ZNF626: variants seen among roughly 807,000 people sequenced by gnomAD.
The protein encoded by ZNF626 is zinc finger protein 626.
ZNF626 carries 4 observed loss-of-function variants against 11.7 expected under a neutral mutation model. The observed-to-expected ratio is 0.34, with a 90% confidence interval of 0.17 to 0.78. ZNF626 has a LOEUF of 0.78. Among genes scored for constraint, ZNF626 ranks in the 30% least tolerant of loss-of-function variants. The pLI is 0.57. For synonymous variants in ZNF626, 179 were observed against 198.6 expected (o/e 0.90, Z 0.83); for missense variants, 588 against 587.1 (o/e 1.00, Z -0.01).
In ZNF626 at chr19:20,624,740, C is replaced by T; in HGVS notation, c.1137G>A (p.Lys379=). 1 of 1,608,356 alleles carries T rather than the reference C, an allele frequency of 6.2e-7. No individual in the cohort carries two copies. Among genetic ancestry groups the T allele is most frequent in the African/African-American group, 1.3e-5 (1 of 74,360 alleles). Residue 379 remains lysine, a synonymous_variant, in exon 4 of 4, where the codon AAG becomes AAA. Coordinates refer to ENST00000601440, the MANE Select transcript of ZNF626 (RefSeq NM_001076675.3). The part of the protein sequence containing the change: ...YKCEECGKAF[K]RSSDLTTHKI... ...TATGCGTAGTAAGGTCTGAAGACCG[C>T]TTGAAGGCTTTGCCACATTCTTCAC...
At chr19:20,660,243 T>TAA (rs35231346) in intron 1 of ZNF626, among the ~76,000 whole-genome samples, 10 of 104,882 alleles carry the variant, frequency 9.5e-5, no homozygotes, top group East Asian at 2.7e-4. Flanking sequence ...ACACTGTGTC[T>TAA]AAAAAAAAAA....
In ZNF626 at chr19:20,621,462, T is replaced by TA. The variant is rs1555768713; in HGVS notation, c.*2827dup. 1 of 152,166 alleles carries TA rather than the reference T, an allele frequency of 6.6e-6. No individual in the cohort carries two copies. The highest frequency in any genetic ancestry group is 2.4e-5 in the African/African-American group (1 of 41,420). The allele number at this position is 152,166 out of a possible 1,614,324, so 9.4% of individuals were successfully genotyped here. A position where few individuals can be genotyped will look rare whatever the true frequency, so the allele number is the denominator to read the frequency against. On this transcript the variant is annotated 3_prime_UTR_variant, in exon 4 of 4. Coordinates refer to ENST00000601440, the MANE Select transcript of ZNF626 (RefSeq NM_001076675.3). ...TTCTGTATAATTTTTATTATGACCA[T>TA]AAAAATCACCCTGTAGTCAATTACA...
At position 20,659,187 on chromosome 19, in the gene ZNF626, A is replaced by G. The variant is rs191567584; in HGVS notation, c.3+2257T>C. ...ACACAGCCAGACACACACTCTGTAC[A>G]TTTTCTCCTTTTTCTCATTAAGAAA... On this transcript the variant is annotated intron_variant, in intron 1 of 3. Coordinates refer to ENST00000601440, the MANE Select transcript of ZNF626 (RefSeq NM_001076675.3). Among the ~76,000 whole-genome samples, 364 of 151,952 alleles carry G rather than the reference A, an allele frequency of 2.4e-3. 2 individuals carry two copies. The highest frequency in any genetic ancestry group is 8.1e-3 in the African/African-American group (336 of 41,442).
chr19:20,645,947 GTTTC>G (rs746640859), intron 2 of ZNF626, among the ~76,000 whole-genome samples, 168 bp from the exon 3 acceptor site: 12 of 152,234 alleles, frequency 7.9e-5, no homozygotes, highest in Admixed American at 5.2e-4. Context: ...CAATTTGTAG[GTTTC>G]TTAATTTTAC....
chr19:20,636,237 A>C (rs1334796117), intron 3 of ZNF626, among the ~76,000 whole-genome samples: 1 of 152,240 alleles, frequency 6.6e-6, no homozygotes, highest in African/African-American at 2.4e-5. Flanking sequence ...ATACAGGCAA[A>C]GAAACACAGA....
chr19:20,644,228 C>T (rs1356181082), intron 3 of ZNF626, among the ~76,000 whole-genome samples: 2 of 152,194 alleles, frequency 1.3e-5, no homozygotes, highest in African/African-American at 4.8e-5. Flanking sequence ...ACACAGTTAC[C>T]TGAGGAAATG....
Position 20,621,211 on chromosome 19 carries a change from C to G in ZNF626, c.*3079G>C, listed in dbSNP as rs536822449. On this transcript the variant is annotated 3_prime_UTR_variant, in exon 4 of 4. Coordinates refer to ENST00000601440, the MANE Select transcript of ZNF626 (RefSeq NM_001076675.3). ...TGGTGCTATCTCAGCTCACTGAAACCTCCACCTCCCAGGTTCAAGCCATTC... is the reference window on the plus strand; with the variant it reads ...TGGTGCTATCTCAGCTCACTGAAACGTCCACCTCCCAGGTTCAAGCCATTC... The G allele has an allele frequency of 2.0e-5, 3 of 152,368 alleles. No homozygotes were observed. The South Asian group carries it at 6.2e-4, about 32-fold the overall frequency. The allele number at this position is 152,368 out of a possible 1,614,324, so 9.4% of individuals were successfully genotyped here.
intron 3 of ZNF626, 138 bp downstream of exon 3, chr19:20,645,546 C>T (rs782009962): frequency 6.4e-7 from 1 of 1,553,834 alleles, no homozygotes; most frequent in East Asian, 2.3e-5. Flanking sequence ...AACAAACAAA[C>T]AAACAAAAAA....
Position 20,625,042 on chromosome 19 carries a change from G to A in ZNF626, c.835C>T (p.His279Tyr). 6.2e-7 allele frequency: 1 copy of A among 1,613,802 alleles called. No individual in the cohort carries two copies. The highest frequency in any genetic ancestry group is 8.5e-7 in the Non-Finnish European group (1 of 1,179,962). ...CATTTGTAGGGTTTCTTTTCCGTAT[G>A]AATTATCTCATGTTTACTAAGGGTT... The part of the protein sequence containing the change: ...SSTLSKHEII[H>Y]TEKKPYKCEE... The change falls in exon 4 of 4, where the codon CAT (histidine) becomes TAT (tyrosine). Residue 279 changes from histidine (H) to tyrosine (Y), a missense_variant. His to Tyr is a moderately conservative substitution (Grantham distance 83). This residue lies in a region of ZNF626 where 524 missense variants were observed against 470.1 expected (regional missense o/e 1.11). Transcript: ENST00000601440.
intron 3 of ZNF626, among the ~76,000 whole-genome samples, chr19:20,634,945 T>A (rs1555770791): frequency 6.6e-6 from 1 of 152,232 alleles, no homozygotes; most frequent in Non-Finnish European, 1.5e-5. Flanking sequence ...GCACATATGT[T>A]AGCTTTCACA....
intron 1 of ZNF626, among the ~76,000 whole-genome samples, chr19:20,656,490 GC>G (rs1457417055): frequency 6.6e-6 from 1 of 152,036 alleles, no homozygotes; most frequent in African/African-American, 2.4e-5. Flanking sequence ...ACTATAAATA[GC>G]TCAAACAAAC....
intron 1 of ZNF626, among the ~76,000 whole-genome samples, 164 bp from the exon 2 acceptor site, chr19:20,646,569 TCTCTAA>T (rs1430226565): frequency 3.9e-5 from 6 of 152,216 alleles, no homozygotes; most frequent in African/African-American, 1.2e-4. Flanking sequence ...TCTAATGTAT[TCTCTAA>T]CTCTGAGAAG....
intron 3 of ZNF626, among the ~76,000 whole-genome samples, chr19:20,644,288 C>A (rs113197819): frequency 6.6e-6 from 1 of 152,232 alleles, no homozygotes; most frequent in African/African-American, 2.4e-5. Flanking sequence ...TGATTTAAGG[C>A]CCAGCATCTG....
At position 20,646,350 on chromosome 19, in the gene ZNF626, C is replaced by T; in HGVS notation, c.59G>A (p.Cys20Tyr). 1 of 1,614,092 alleles carries T rather than the reference C, an allele frequency of 6.2e-7. No individual in the cohort carries two copies. Among genetic ancestry groups the T allele is most frequent in the Non-Finnish European group, 8.5e-7 (1 of 1,180,014 alleles). The stretch of plus-strand genomic sequence containing the variant: ...TAAATTCCGCTGTGCAGTGTCCAGG[C>T]AATGCCACTCCTCCAGAGAGAATTC... ...AIEFSLEEWHCLDTAQRNLYR... is the reference protein window; with the variant it reads ...AIEFSLEEWHYLDTAQRNLYR... Residue 20 changes from cysteine to tyrosine, a missense_variant, in exon 2 of 4, where the codon TGC becomes TAC. Physicochemically the swap from Cys to Tyr is radical, Grantham distance 194. Transcript: ENST00000601440.
At chr19:20,637,312 C>G (rs7252292) in intron 3 of ZNF626, among the ~76,000 whole-genome samples, 67,824 of 151,432 alleles carry the variant, frequency 0.45, 16,406 homozygotes, top group African/African-American at 0.63. Context: ...TGGTGAAACC[C>G]TGTCTCTACT....
rs782031140 is a variant in ZNF626 at position 20,645,722 on chromosome 19, A to G, written c.188T>C (p.Leu63Ser). 1.6e-5 allele frequency: 25 copies of G among 1,612,088 alleles called. No homozygotes were observed. Among genetic ancestry groups the G allele is most frequent in the Non-Finnish European group, 2.1e-5 (25 of 1,179,610 alleles). Residue 63 changes from leucine (L) to serine (S), a missense_variant, in exon 3 of 4, where the codon TTG becomes TCG. Leu to Ser is a moderately radical substitution (Grantham distance 145). Transcript: ENST00000601440. ...TATCATCTCATTTCTCTTCATGGTC[A>G]AAGGTTTTCTTCCTTGCTCCAGACA... ...ITCLEQGRKP[L>S]TMKRNEMIAK...
rs571086274 is a variant in ZNF626, at chr19:20,645,297, A to T, written c.226+387T>A. 104 of 1,503,588 alleles carry T rather than the reference A, an allele frequency of 6.9e-5. No individual in the cohort carries two copies. The South Asian group carries it at 1.3e-3, about 19-fold the overall frequency. The allele number at this position is 1,503,588 out of a possible 1,614,324, so 93.1% of individuals were successfully genotyped here. A position where few individuals can be genotyped will look rare whatever the true frequency, so the allele number is the denominator to read the frequency against. On this transcript the variant is annotated intron_variant, in intron 3 of 3. Coordinates refer to ENST00000601440, the MANE Select transcript of ZNF626 (RefSeq NM_001076675.3). ...ATTACTCTCAGACATTTCAGATCTG[A>T]TGCAAAGAGAACTTTGAGAGTAATT...
chr19:20,651,186 CAAAA>C (rs34904142), intron 1 of ZNF626, among the ~76,000 whole-genome samples: 19 of 126,916 alleles, frequency 1.5e-4, no homozygotes, highest in Admixed American at 1.6e-4. Flanking sequence ...GACTCCATAT[CAAAA>C]AAAAAAAAAA....
chr19:20,631,378 C>A (rs1227182062), intron 3 of ZNF626, among the ~76,000 whole-genome samples: 1 of 152,158 alleles, frequency 6.6e-6, no homozygotes, highest in Non-Finnish European at 1.5e-5. Context: ...CTAACGTTGA[C>A]AGTGCAGTGT....
Sources: allele counts gnomAD v4.1 joint callset (sites outside exome capture counted in the v4.1 genomes callset), GRCh38; gene constraint gnomAD v4.1.1; regional missense constraint gnomAD v4.1.1; transcripts MANE v1.5; gene names NCBI Gene and HGNC (gene_info 2026-07-23, HGNC 2026-07-21).